Variants in GRID2 observed in about 807,000 individuals in gnomAD.
GRID2 encodes the protein glutamate ionotropic receptor delta type subunit 2, also known as glutamate receptor ionotropic, delta-2.
GRID2 carries 33 observed loss-of-function variants against 114.8 expected under a neutral mutation model. That is an observed-to-expected ratio of 0.29 (90% CI 0.22 to 0.38). The LOEUF is 0.38. Ranked by LOEUF, GRID2 falls within the 10% of genes least tolerant of loss-of-function variation. The pLI, the probability that GRID2 is intolerant of heterozygous loss-of-function variation, is 1.00. For synonymous variants in GRID2, 505 were observed against 449.9 expected (o/e 1.12, Z -1.55); for missense variants, 1,184 against 1,257.7 (o/e 0.94, Z 0.89).
chr4:93,005,790 A>G (rs568165677), intron 2 of GRID2, among the ~76,000 whole-genome samples: 13 of 152,256 alleles, frequency 8.5e-5, no homozygotes, highest in African/African-American at 3.1e-4. Context: ...GAAGTCAGCC[A>G]CAAAAGGTTG....
chr4:92,352,885 G>GT lies in GRID2; in HGVS notation c.88+48148dup, dbSNP rs1000525559. Among the ~76,000 whole-genome samples the GT allele has an allele frequency of 5.3e-5, 8 of 151,806 alleles. No homozygotes were observed. In the South Asian group the frequency reaches 6.2e-4, roughly 12 times the overall value. The stretch of plus-strand genomic sequence containing the variant: ...TCTCTTCAAATTTGTTCTAGTAGGA[G>GT]TTTTTTTCAGATTTCTAGATGCTTT... On this transcript the variant is annotated intron_variant, in intron 1 of 15. Coordinates refer to ENST00000282020, the MANE Select transcript of GRID2 (RefSeq NM_001510.4).
intron 3 of GRID2, among the ~76,000 whole-genome samples, chr4:93,090,992 G>T (rs934239105): frequency 2.6e-5 from 4 of 152,042 alleles, no homozygotes; most frequent in Non-Finnish European, 4.4e-5. Flanking sequence ...TCTACTCCAG[G>T]GGTCAGCAAA....
At chr4:92,956,007 C>T (rs1249656061) in intron 2 of GRID2, among the ~76,000 whole-genome samples, 1 of 152,184 alleles carries the variant, frequency 6.6e-6, no homozygotes, top group Non-Finnish European at 1.5e-5. Flanking sequence ...GCATGAGCCA[C>T]TGCGCCTGGA....
intron 14 of GRID2, among the ~76,000 whole-genome samples, chr4:93,760,745 C>A (rs1733136801): frequency 6.6e-6 from 1 of 152,196 alleles, no homozygotes; most frequent in South Asian, 2.1e-4. Flanking sequence ...ATTTTCATAT[C>A]TTTGATTAAA....
intron 2 of GRID2, among the ~76,000 whole-genome samples, chr4:92,682,435 C>G (rs924591835): frequency 1.1e-4 from 16 of 152,172 alleles, no homozygotes; most frequent in Middle Eastern, 3.4e-3. Flanking sequence ...TTTTAAAAAG[C>G]CTTTGATGCG....
chr4:93,602,090 C>T (rs1272080317), intron 13 of GRID2, among the ~76,000 whole-genome samples: 1 of 152,122 alleles, frequency 6.6e-6, no homozygotes, highest in Non-Finnish European at 1.5e-5. Context: ...AGTGATATTG[C>T]CAACACCAAG....
chr4:92,818,859 T>C (rs1339628822), intron 2 of GRID2, among the ~76,000 whole-genome samples: 3 of 152,134 alleles, frequency 2.0e-5, no homozygotes, highest in Admixed American at 2.0e-4. Flanking sequence ...ACATGAATAA[T>C]ATCTTGAAGC....
At position 93,456,541 on chromosome 4, in the gene GRID2, T is replaced by A. The variant is rs964483001; in HGVS notation, c.1858+567T>A. Among the ~76,000 whole-genome samples the A allele has an allele frequency of 3.3e-5, 5 of 152,220 alleles. No homozygotes were observed. The East Asian group carries it at 9.7e-4, about 29-fold the overall frequency. ...TATTTTCTAAAGAATGTCATTGCTCTGTTATTTAATATCCAATCTGCCCAA... is the reference window on the plus strand; with the variant it reads ...TATTTTCTAAAGAATGTCATTGCTCAGTTATTTAATATCCAATCTGCCCAA... On this transcript the variant is annotated intron_variant, in intron 11 of 15. Coordinates refer to ENST00000282020, the MANE Select transcript of GRID2 (RefSeq NM_001510.4).
At chr4:93,294,244 G>C (rs576600800) in intron 8 of GRID2, among the ~76,000 whole-genome samples, 1 of 152,256 alleles carries the variant, frequency 6.6e-6, no homozygotes, top group African/African-American at 2.4e-5. Context: ...GTGTCTCAGG[G>C]AGGCAGAAAA....
chr4:92,342,084 G>T (rs1025970560), intron 1 of GRID2, among the ~76,000 whole-genome samples: 2 of 151,888 alleles, frequency 1.3e-5, no homozygotes, highest in African/African-American at 4.8e-5. Flanking sequence ...GAGAATTCAG[G>T]AATGAACAAA....
chr4:93,625,212 C>A (rs947508147), intron 13 of GRID2, among the ~76,000 whole-genome samples: 1 of 152,198 alleles, frequency 6.6e-6, no homozygotes, highest in Non-Finnish European at 1.5e-5. Context: ...AGCCTAGTAA[C>A]CCAAGGCGTC....
intron 14 of GRID2, among the ~76,000 whole-genome samples, chr4:93,664,436 T>C (rs1723775500): frequency 6.6e-6 from 1 of 152,190 alleles, no homozygotes; most frequent in South Asian, 2.1e-4. Flanking sequence ...TCATGTGATA[T>C]ATGGCAATGA....
chr4:92,604,739 G>A (rs1479626385), intron 2 of GRID2, among the ~76,000 whole-genome samples: 1 of 151,990 alleles, frequency 6.6e-6, no homozygotes, highest in Non-Finnish European at 1.5e-5. Flanking sequence ...GAAACAGGCA[G>A]GCTTTATGTC....
intron 12 of GRID2, among the ~76,000 whole-genome samples, chr4:93,493,603 C>T (rs111891714): frequency 1.7e-3 from 264 of 150,862 alleles, no homozygotes; most frequent in African/African-American, 5.9e-3. Flanking sequence ...TATGGTATTT[C>T]TCTGAGGTTG....
chr4:93,032,852 CAGG>C (rs1724563070), intron 2 of GRID2, among the ~76,000 whole-genome samples: 1 of 152,140 alleles, frequency 6.6e-6, no homozygotes, highest in Non-Finnish European at 1.5e-5. Context: ...CCATGGGATA[CAGG>C]ACAGCTGAGC....
At chr4:93,044,110 C>T (rs749653707) in intron 2 of GRID2, among the ~76,000 whole-genome samples, 5 of 152,020 alleles carry the variant, frequency 3.3e-5, no homozygotes, top group Admixed American at 6.6e-5. Flanking sequence ...AAGTATTTCT[C>T]AATCTTAACA....
chr4:93,328,692 T>G (rs1482353706), intron 8 of GRID2, among the ~76,000 whole-genome samples: 1 of 149,542 alleles, frequency 6.7e-6, no homozygotes, highest in Non-Finnish European at 1.5e-5. Flanking sequence ...AGTGCATGGA[T>G]GGATGGATGG....
intron 1 of GRID2, among the ~76,000 whole-genome samples, chr4:92,555,504 G>A (rs771211268): frequency 7.9e-5 from 12 of 152,120 alleles, no homozygotes; most frequent in East Asian, 1.9e-4. Flanking sequence ...GGAAGGAAGA[G>A]ATGGTGAGAA....
rs558744296 is a variant in GRID2, at chr4:92,636,968, T to C, written c.244+46682T>C. On this transcript the variant is annotated intron_variant, in intron 2 of 15. Transcript: ENST00000282020. ...TGATTTCTCAGTTGTCAAACGTATT[T>C]TCTGAGAAATGCCCTCATCAAAGTA... is the stretch of plus-strand genomic sequence containing the variant. Among the ~76,000 whole-genome samples the C allele has an allele frequency of 2.0e-5, 3 of 152,178 alleles. No homozygotes were observed. The South Asian group carries it at 6.2e-4, about 32-fold the overall frequency.
Sources: gnomAD v4.1 joint callset for allele counts (sites outside exome capture counted in the v4.1 genomes callset) on GRCh38, gnomAD v4.1.1 for gene constraint, MANE v1.5 for transcripts, NCBI Gene and HGNC (gene_info 2026-07-23, HGNC 2026-07-21) for gene names.